The following STIM2 variants were observed in gnomAD, a reference collection of about 807,000 sequenced individuals.
STIM2 encodes the protein stromal interaction molecule 2.
STIM2 carries 31 observed loss-of-function variants against 85.8 expected under a neutral mutation model. That is an observed-to-expected ratio of 0.36 (90% CI 0.27 to 0.49). STIM2 has a LOEUF of 0.49. STIM2 is among the 20% of genes least tolerant of loss of function. The probability of loss-of-function intolerance (pLI) is 0.98; values close to 1 mark genes in which losing one functional copy is unlikely to be tolerated. For missense variants in STIM2, 841 were observed against 927.6 expected, an observed-to-expected ratio of 0.91 and a Z score of 1.21; for synonymous variants, 356 against 331.1, an observed-to-expected ratio of 1.08 and a Z score of -0.82.
intron 2 of STIM2, among the ~76,000 whole-genome samples, chr4:26,956,835 G>A (rs1045494652): frequency 4.6e-5 from 7 of 152,092 alleles, no homozygotes; most frequent in Non-Finnish European, 8.8e-5. Context: ...AATGGCTTGC[G>A]TTGGAATTTC....
intron 1 of STIM2, among the ~76,000 whole-genome samples, chr4:26,893,386 T>G (rs1023351252): frequency 1.3e-5 from 2 of 152,258 alleles, no homozygotes; most frequent in Admixed American, 1.3e-4. Context: ...TTATTTAGTT[T>G]TGTCTTTTTT....
chr4:26,893,601 T>C (rs1028387937), intron 1 of STIM2, among the ~76,000 whole-genome samples: 10 of 152,244 alleles, frequency 6.6e-5, no homozygotes, highest in African/African-American at 2.4e-4. Context: ...ACAGTACTTC[T>C]GTGACTATTT....
At chr4:26,960,669 A>G (rs528215447) in intron 3 of STIM2, among the ~76,000 whole-genome samples, 4 of 152,324 alleles carry the variant, frequency 2.6e-5, no homozygotes, top group East Asian at 1.9e-4. Flanking sequence ...GTTTTTTAAA[A>G]TTTTGGACTT....
intron 1 of STIM2, among the ~76,000 whole-genome samples, chr4:26,902,481 C>G (rs938116529): frequency 1.3e-5 from 2 of 152,000 alleles, no homozygotes; most frequent in African/African-American, 4.8e-5. Flanking sequence ...AGCCGTGTCT[C>G]CAGATGGAAG....
chr4:26,957,798 T>C (rs1177005098), intron 3 of STIM2, 72 bp downstream of exon 3: 1 of 888,180 alleles, frequency 1.1e-6, no homozygotes, highest in East Asian at 2.7e-5. Context: ...CTCAACTCAC[T>C]TATAGTATGC....
intron 3 of STIM2, among the ~76,000 whole-genome samples, chr4:26,984,359 A>AT (rs1440012327): frequency 2.0e-5 from 3 of 151,836 alleles, no homozygotes; most frequent in Admixed American, 6.6e-5. Context: ...TATTTCTCCA[A>AT]TTTTTTTTGT....
chr4:26,880,665 ATG>A (rs1681640722), intron 1 of STIM2, among the ~76,000 whole-genome samples: 1 of 146,922 alleles, frequency 6.8e-6, no homozygotes, highest in Non-Finnish European at 1.5e-5. Context: ...ATAAATATAT[ATG>A]TAAATATATA....
chr4:26,920,350 C>T (rs183601494), intron 2 of STIM2, among the ~76,000 whole-genome samples: 2 of 152,226 alleles, frequency 1.3e-5, no homozygotes, highest in Admixed American at 6.5e-5. Flanking sequence ...CCTTGGAGAC[C>T]ACCAGCATGG....
At chr4:26,893,533 A>G (rs1204538985) in intron 1 of STIM2, among the ~76,000 whole-genome samples, 2 of 152,188 alleles carry the variant, frequency 1.3e-5, no homozygotes. Flanking sequence ...TTTTGAATAC[A>G]CTGTAGTTTA....
At chr4:26,923,124 G>A (rs568570816) in intron 2 of STIM2, among the ~76,000 whole-genome samples, 11 of 149,718 alleles carry the variant, frequency 7.3e-5, no homozygotes, top group Admixed American at 4.7e-4. Context: ...ACACTGACAC[G>A]TCACACGGCA....
chr4:27,002,166 G>C, intron 5 of STIM2, 51 bp from the exon 6 acceptor site: 1 of 1,505,334 alleles, frequency 6.6e-7, no homozygotes, highest in Non-Finnish European at 8.9e-7. Context: ...TTTGTATTGA[G>C]GTCCTGTCAT....
At chr4:26,876,601 A>G (rs1008407204) in intron 1 of STIM2, among the ~76,000 whole-genome samples, 1 of 152,206 alleles carries the variant, frequency 6.6e-6, no homozygotes, top group Non-Finnish European at 1.5e-5. Flanking sequence ...TAGAGGATTT[A>G]TTAAATTTAT....
At chr4:26,916,861 CTAACA>C (rs1724602250) in intron 1 of STIM2, among the ~76,000 whole-genome samples, 1 of 152,054 alleles carries the variant, frequency 6.6e-6, no homozygotes, top group South Asian at 2.1e-4. Flanking sequence ...AAACTTTTAC[CTAACA>C]TGATACATTG....
chr4:26,927,707 A>C (rs1447170817), intron 2 of STIM2, among the ~76,000 whole-genome samples: 1 of 90,226 alleles, frequency 1.1e-5, no homozygotes, highest in African/African-American at 5.0e-5. Context: ...AAAAAAAAAA[A>C]CTTGAATAAA....
At chr4:26,942,775 T>C (rs1725661519) in intron 2 of STIM2, among the ~76,000 whole-genome samples, 1 of 152,132 alleles carries the variant, frequency 6.6e-6, no homozygotes, top group Admixed American at 6.6e-5. Flanking sequence ...CCCCTTTATC[T>C]CCTTGGACTA....
At chr4:26,910,636 T>G (rs1412130362) in intron 1 of STIM2, among the ~76,000 whole-genome samples, 1 of 152,210 alleles carries the variant, frequency 6.6e-6, no homozygotes, top group African/African-American at 2.4e-5. Context: ...ACTCGCTTAT[T>G]TAGATACACT....
intron 5 of STIM2, among the ~76,000 whole-genome samples, chr4:26,999,930 A>G (rs914785180): frequency 6.6e-6 from 1 of 152,204 alleles, no homozygotes; most frequent in Non-Finnish European, 1.5e-5. Flanking sequence ...GTATTTATTT[A>G]CTTTGACAGG....
intron 1 of STIM2, among the ~76,000 whole-genome samples, chr4:26,912,867 A>G (rs981396533): frequency 1.3e-5 from 2 of 151,982 alleles, no homozygotes; most frequent in African/African-American, 4.8e-5. Flanking sequence ...TCTTCTTTCC[A>G]TTGGGGAGTA....
chr4:26,956,456 T>C (rs984129344), intron 2 of STIM2, among the ~76,000 whole-genome samples: 26 of 152,058 alleles, frequency 1.7e-4, no homozygotes, highest in Non-Finnish European at 3.4e-4. Flanking sequence ...TTTTTTTTTT[T>C]TTTAAGAGAC....
Sources: gnomAD v4.1 joint callset for allele counts (sites outside exome capture counted in the v4.1 genomes callset) on GRCh38, gnomAD v4.1.1 for gene constraint, MANE v1.5 for transcripts, NCBI Gene and HGNC (gene_info 2026-07-23, HGNC 2026-07-21) for gene names.